IMMP2L: variants seen among roughly 807,000 people sequenced by gnomAD.
The protein encoded by IMMP2L is inner mitochondrial membrane peptidase subunit 2, also known as mitochondrial inner membrane protease subunit 2.
A neutral mutation model predicts 19.3 loss-of-function variants in IMMP2L; 18 were observed. The ratio of observed to expected loss-of-function variants is 0.93; its 90% CI spans 0.64 to 1.38. IMMP2L has a LOEUF of 1.38. Ranked by LOEUF, IMMP2L falls within the 40% of genes most tolerant of loss-of-function variation. The pLI is 0.00. For missense variants in IMMP2L, 233 were observed against 218.2 expected (o/e 1.07, Z -0.43); for synonymous variants, 76 against 73.0 (o/e 1.04, Z -0.21).
chr7:111,536,487 TG>T (rs1460761778), intron 1 of IMMP2L, among the ~76,000 whole-genome samples: 2 of 151,970 alleles, frequency 1.3e-5, no homozygotes, highest in Non-Finnish European at 2.9e-5. Context: ...TTATATTTTT[TG>T]TAGAGATGGA....
intron 3 of IMMP2L, among the ~76,000 whole-genome samples, chr7:111,086,086 G>C (rs188345235): frequency 6.6e-6 from 1 of 151,766 alleles, no homozygotes; most frequent in Non-Finnish European, 1.5e-5. Flanking sequence ...GTTTACCTTT[G>C]TAACAAACCT....
intron 3 of IMMP2L, among the ~76,000 whole-genome samples, chr7:111,282,473 T>C (rs1271436436): frequency 1.3e-5 from 2 of 152,156 alleles, no homozygotes; most frequent in Non-Finnish European, 1.5e-5. Context: ...ATGATAAACA[T>C]ATATGCAGCC....
At chr7:110,893,094 C>G (rs1810973100) in intron 4 of IMMP2L, among the ~76,000 whole-genome samples, 1 of 152,106 alleles carries the variant, frequency 6.6e-6, no homozygotes, top group Non-Finnish European at 1.5e-5. Flanking sequence ...AGTCACACAA[C>G]TTTTTTGGTT....
At chr7:111,366,754 A>C (rs563496135) in intron 3 of IMMP2L, among the ~76,000 whole-genome samples, 1 of 152,140 alleles carries the variant, frequency 6.6e-6, no homozygotes, top group African/African-American at 2.4e-5. Flanking sequence ...GAATATATAC[A>C]TATATTCATT....
In IMMP2L at chr7:111,123,386, A is replaced by C; in HGVS notation, c.240-159821T>G. ...GAAAATCCAATTATCAGAATCAAAG[A>C]CATGAACTTTAAGCCTCTTATCAAT... On this transcript the variant is annotated intron_variant, in intron 3 of 5. Transcript: ENST00000405709. The surrounding 1 kb of genome is among the most constrained non-coding windows in gnomAD (Gnocchi z 6.4). The C allele has an allele frequency of 6.2e-7, 1 of 1,613,842 alleles. No homozygotes were observed. The highest frequency in any genetic ancestry group is 8.5e-7 in the Non-Finnish European group (1 of 1,179,920).
intron 3 of IMMP2L, among the ~76,000 whole-genome samples, chr7:111,258,135 T>G (rs1388220026): frequency 6.6e-6 from 1 of 152,164 alleles, no homozygotes; most frequent in Non-Finnish European, 1.5e-5. Flanking sequence ...ACACAAAGGT[T>G]AATAAAGAAA....
At chr7:111,035,917 A>C (rs1791298831) in intron 3 of IMMP2L, among the ~76,000 whole-genome samples, 1 of 152,120 alleles carries the variant, frequency 6.6e-6, no homozygotes, top group African/African-American at 2.4e-5. Context: ...CCTGTGCCTC[A>C]GTTTCCTCAT....
chr7:111,070,140 A>T (rs1001065012), intron 3 of IMMP2L, among the ~76,000 whole-genome samples: 5 of 152,236 alleles, frequency 3.3e-5, no homozygotes, highest in African/African-American at 9.6e-5. Context: ...AGTGAAAAAA[A>T]AATATGTAAA....
intron 2 of IMMP2L, among the ~76,000 whole-genome samples, chr7:111,487,925 T>G (rs575156094): frequency 6.6e-6 from 1 of 152,122 alleles, no homozygotes; most frequent in Non-Finnish European, 1.5e-5. Context: ...ATAAGGGGCT[T>G]TCATCCTAGG....
At chr7:111,103,667 C>T (rs923882625) in intron 3 of IMMP2L, among the ~76,000 whole-genome samples, 25 of 151,718 alleles carry the variant, frequency 1.6e-4, no homozygotes, top group African/African-American at 6.0e-4. Flanking sequence ...AGTTCTTATC[C>T]GTATGATGAC....
At chr7:111,442,250 C>T (rs560057287) in intron 3 of IMMP2L, among the ~76,000 whole-genome samples, 1 of 151,798 alleles carries the variant, frequency 6.6e-6, no homozygotes, top group South Asian at 2.1e-4. Flanking sequence ...GAGCCACTTA[C>T]CATGCTCCAC....
At chr7:110,963,008 T>TA in intron 4 of IMMP2L, 1 of 1,504,146 alleles carries the variant, frequency 6.6e-7, no homozygotes, top group South Asian at 1.3e-5. Context: ...ACCTGATTGT[T>TA]ACAATCTTAT....
intron 3 of IMMP2L, among the ~76,000 whole-genome samples, chr7:111,285,080 A>C (rs1820340425): frequency 6.6e-6 from 1 of 152,136 alleles, no homozygotes; most frequent in African/African-American, 2.4e-5. Context: ...GAGAATGGAA[A>C]GGAGTTTGCA....
At chr7:111,274,996 G>A (rs905043056) in intron 3 of IMMP2L, among the ~76,000 whole-genome samples, 1 of 152,082 alleles carries the variant, frequency 6.6e-6, no homozygotes, top group Non-Finnish European at 1.5e-5. Context: ...TAGCACCAAG[G>A]CGCAACTCTG....
At chr7:111,166,892 A>G (rs968850497) in intron 3 of IMMP2L, among the ~76,000 whole-genome samples, 3 of 151,894 alleles carry the variant, frequency 2.0e-5, no homozygotes, top group South Asian at 2.1e-4. Context: ...TTTGATTTAG[A>G]GCCCACCTGG....
Position 111,180,175 on chromosome 7 carries a change from T to G in IMMP2L, c.240-216610A>C, listed in dbSNP as rs1586712773. ...CCTTTGAATTTACAACTTCACTAACTGGTACAAGAGGCCTAGCTTATGAAC... is the reference window on the plus strand; with the variant it reads ...CCTTTGAATTTACAACTTCACTAACGGGTACAAGAGGCCTAGCTTATGAAC... On this transcript the variant is annotated intron_variant, in intron 3 of 5. Transcript: ENST00000405709. Among the ~76,000 whole-genome samples the G allele has an allele frequency of 2.0e-5, 3 of 152,212 alleles. No homozygotes were observed. In the East Asian group the frequency reaches 5.8e-4, roughly 29 times the overall value.
At chr7:110,721,366 T>A (rs1235648522) in intron 5 of IMMP2L, among the ~76,000 whole-genome samples, 1 of 152,170 alleles carries the variant, frequency 6.6e-6, no homozygotes, top group African/African-American at 2.4e-5. Flanking sequence ...CGGACATTTT[T>A]AATATTATTG....
intron 1 of IMMP2L, among the ~76,000 whole-genome samples, chr7:111,551,495 G>GGTTGT (rs969056140): frequency 2.5e-4 from 36 of 145,354 alleles, no homozygotes; most frequent in African/African-American, 8.9e-4. Context: ...GACTGTTAGA[G>GGTTGT]GTGTGTGTGT....
chr7:111,043,101 C>T (rs1473141924), intron 3 of IMMP2L, among the ~76,000 whole-genome samples: 2 of 152,220 alleles, frequency 1.3e-5, no homozygotes, highest in African/African-American at 2.4e-5. Context: ...ACCCAATCCA[C>T]ACATACTCCT....
Sources: allele counts gnomAD v4.1 joint callset (sites outside exome capture counted in the v4.1 genomes callset), GRCh38; gene constraint gnomAD v4.1.1; non-coding constraint Gnocchi (gnomAD v3.1); transcripts MANE v1.5; gene names NCBI Gene and HGNC (gene_info 2026-07-23, HGNC 2026-07-21).